The following ZNF540 variants were observed in gnomAD, a reference collection of about 807,000 sequenced individuals.
The protein encoded by ZNF540 is CTD-3064H18.6.
ZNF540 carries 3 observed loss-of-function variants against 11.8 expected under a neutral mutation model. That is an observed-to-expected ratio of 0.25 (90% CI 0.12 to 0.65). The LOEUF is 0.65. ZNF540 is among the 30% of genes least tolerant of loss of function. ZNF540 has a pLI of 0.83. For missense variants in ZNF540, 709 were observed against 793.1 expected, an observed-to-expected ratio of 0.89 and a Z score of 1.27; for synonymous variants, 247 against 259.0, an observed-to-expected ratio of 0.95 and a Z score of 0.45.
At chr19:37,606,760 G>C (rs937262219) in intron 4 of ZNF540, among the ~76,000 whole-genome samples, 1 of 152,062 alleles carries the variant, frequency 6.6e-6, no homozygotes, top group Non-Finnish European at 1.5e-5. Flanking sequence ...AGTTGCAAGA[G>C]TTTTAAAAAT....
intron 4 of ZNF540, among the ~76,000 whole-genome samples, chr19:37,610,469 T>C (rs967559619): frequency 2.6e-5 from 4 of 152,174 alleles, no homozygotes; most frequent in African/African-American, 7.2e-5. Context: ...ATGCTGGAAT[T>C]GAGAATAAAG....
rs1418308400 is a variant in ZNF540 at position 37,569,030 on chromosome 19, C to T, written c.-73+17365C>T. Among the ~76,000 whole-genome samples, 1 of 151,938 alleles carries T rather than the reference C, an allele frequency of 6.6e-6. No individual in the cohort carries two copies. The highest frequency in any genetic ancestry group is 1.5e-5 in the Non-Finnish European group (1 of 67,986). ...GGAGTGCAGTCGTGCCATCTCAGCTCACTGCAACCTCCGCCTCCAGGTTCA... is the reference window on the plus strand; with the variant it reads ...GGAGTGCAGTCGTGCCATCTCAGCTTACTGCAACCTCCGCCTCCAGGTTCA... On this transcript the variant is annotated intron_variant, in intron 1 of 4. Transcript: ENST00000592533. The surrounding 1 kb of genome is among the most constrained non-coding windows in gnomAD (Gnocchi z 4.4).
intron 2 of ZNF540, 84 bp downstream of exon 2, chr19:37,598,540 C>T: frequency 1.3e-6 from 2 of 1,510,354 alleles, no homozygotes; most frequent in South Asian, 1.1e-5. Flanking sequence ...GCTGACACTT[C>T]CTAAGAATTT....
intron 1 of ZNF540, among the ~76,000 whole-genome samples, chr19:37,559,852 G>T (rs2042698559): frequency 6.6e-6 from 1 of 152,196 alleles, no homozygotes; most frequent in Non-Finnish European, 1.5e-5. Flanking sequence ...AGATATATTT[G>T]CAGTTATCCT....
At chr19:37,598,320 G>T (rs1003953980) in intron 1 of ZNF540, 56 bp from the exon 2 acceptor site, 2 of 868,384 alleles carry the variant, frequency 2.3e-6, no homozygotes, top group African/African-American at 1.7e-5. Context: ...ATATCATATT[G>T]TTACCTCTGA....
At chr19:37,590,264 A>T (rs577725278), upstream of ZNF540, among the ~76,000 whole-genome samples, 70 of 152,016 alleles carry the variant, frequency 4.6e-4, no homozygotes, top group South Asian at 6.3e-3. Context: ...AAAATAAAAA[A>T]AAATTAGCTG....
chr19:37,604,156 A>G (rs1026544839), intron 4 of ZNF540, among the ~76,000 whole-genome samples: 1 of 152,018 alleles, frequency 6.6e-6, no homozygotes, highest in Non-Finnish European at 1.5e-5. Flanking sequence ...GTGTTTCACA[A>G]TGGAATTTCA....
intron 1 of ZNF540, among the ~76,000 whole-genome samples, chr19:37,587,819 A>G (rs1477760266): frequency 1.3e-5 from 2 of 152,198 alleles, no homozygotes; most frequent in Non-Finnish European, 2.9e-5. Context: ...TATCATCGTC[A>G]TTAAGAATAC....
At chr19:37,607,622 T>G (rs1009552361) in intron 4 of ZNF540, among the ~76,000 whole-genome samples, 19 of 152,240 alleles carry the variant, frequency 1.2e-4, no homozygotes, top group African/African-American at 4.6e-4. Context: ...CATTTAAGTT[T>G]CCTCAACATC....
At chr19:37,590,412 G>A (rs538340801), upstream of ZNF540, among the ~76,000 whole-genome samples, 5 of 145,854 alleles carry the variant, frequency 3.4e-5, no homozygotes, top group South Asian at 2.2e-4. Context: ...GTGAGGCTCC[G>A]TTTCAAAAAA....
At chr19:37,596,204 T>C (rs535442225) in intron 1 of ZNF540, among the ~76,000 whole-genome samples, 35 of 152,370 alleles carry the variant, frequency 2.3e-4, no homozygotes, top group African/African-American at 7.9e-4. Flanking sequence ...ACAAATGCAC[T>C]TTCTTCCCTC....
At chr19:37,586,207 CA>C (rs1281650259) in intron 1 of ZNF540, 1 of 153,992 alleles carries the variant, frequency 6.5e-6, no homozygotes, top group Non-Finnish European at 1.4e-5. Flanking sequence ...AATTCCCAAC[CA>C]ATTTTCAAAC....
chr19:37,585,941 A>G (rs2043657937), intron 1 of ZNF540: 2 of 152,216 alleles, frequency 1.3e-5, no homozygotes, highest in Non-Finnish European at 2.9e-5. Context: ...GATGGAAGCC[A>G]CACCCCAGGG....
chr19:37,594,717 T>C (rs1444335399), upstream of ZNF540: 1 of 152,168 alleles, frequency 6.6e-6, no homozygotes, highest in Admixed American at 6.5e-5. Flanking sequence ...CTGCGAGCGG[T>C]TCCCGGTGAG....
intron 1 of ZNF540, chr19:37,564,966 G>A (rs1434666393): frequency 1.2e-6 from 2 of 1,613,202 alleles, no homozygotes; most frequent in South Asian, 1.1e-5. Context: ...TATGTAAGTT[G>A]TGTAGCACGT....
chr19:37,612,004 C>A lies in ZNF540; in HGVS notation c.724C>A (p.Pro242Thr), dbSNP rs773024490. 2 of 1,613,538 alleles carry A rather than the reference C, an allele frequency of 1.2e-6. No individual in the cohort carries two copies. Among genetic ancestry groups the A allele is most frequent in the African/African-American group, 1.3e-5 (1 of 74,896 alleles). The change falls in exon 5 of 5, where the codon CCC (proline) becomes ACC (threonine). Residue 242 changes from proline (P) to threonine (T), a missense_variant. Transcript: ENST00000316433. ...TCAGAGATTTCATACTGGTGAGAAA[C>A]CCTATGAATGTCAAGAATGTGGGAA... The part of the protein sequence containing the change: ...LHQRFHTGEK[P>T]YECQECGKTF...
chr19:37,589,069 G>A (rs890100556), intron 1 of ZNF540, among the ~76,000 whole-genome samples: 2 of 151,742 alleles, frequency 1.3e-5, no homozygotes, highest in Non-Finnish European at 2.9e-5. Context: ...GTGTGGTGGC[G>A]GGTGCTTGTG....
At chr19:37,581,586 TC>T in intron 1 of ZNF540, among the ~76,000 whole-genome samples, 1 of 151,804 alleles carries the variant, frequency 6.6e-6, no homozygotes, top group Admixed American at 6.6e-5. Flanking sequence ...CAACTCAGTC[TC>T]CCAAGTAGCT....
Position 37,613,005 on chromosome 19 carries a change from T to G in ZNF540, c.1725T>G (p.Gly575=). Residue 575 remains glycine, a synonymous_variant, in exon 5 of 5, where the codon GGT becomes GGG. Coordinates refer to ENST00000316433, the MANE Select transcript of ZNF540 (RefSeq NM_001172225.3). ...CTGAACATCAGAAAATTCATACGGGTGTAAAACCATACAAATGTAAAGAAT... is the reference window on the plus strand; with the variant it reads ...CTGAACATCAGAAAATTCATACGGGGGTAAAACCATACAAATGTAAAGAAT... The part of the protein sequence containing the change: ...QFTEHQKIHT[G]VKPYKCKECG... 6.2e-7 allele frequency: 1 copy of G among 1,614,142 alleles called. No individual in the cohort carries two copies. The highest frequency in any genetic ancestry group is 8.5e-7 in the Non-Finnish European group (1 of 1,180,010).
Sources: gnomAD v4.1 joint callset for allele counts (sites outside exome capture counted in the v4.1 genomes callset) on GRCh38, gnomAD v4.1.1 for gene constraint, Gnocchi (gnomAD v3.1) non-coding constraint, MANE v1.5 for transcripts, NCBI Gene and HGNC (gene_info 2026-07-23, HGNC 2026-07-21) for gene names.